Variants in NCOA3 observed in about 807,000 individuals in gnomAD.
NCOA3 encodes CBP-interacting protein.
Under a neutral mutation model 158.8 loss-of-function variants are expected in NCOA3, and 51 were observed. The ratio of observed to expected loss-of-function variants is 0.32; its 90% CI spans 0.26 to 0.41. NCOA3 has a LOEUF of 0.41. Ranked by LOEUF, NCOA3 falls within the 10% of genes least tolerant of loss-of-function variation. The pLI is 1.00. For missense variants in NCOA3, 1,510 were observed against 1,746.6 expected, an observed-to-expected ratio of 0.86 and a Z score of 2.41; for synonymous variants, 537 against 592.4, an observed-to-expected ratio of 0.91 and a Z score of 1.36.
At position 47,501,896 on chromosome 20, in the gene NCOA3, T is replaced by G; in HGVS notation, c.-222T>G. 1 of 399,244 alleles carries G rather than the reference T, an allele frequency of 2.5e-6. No individual in the cohort carries two copies. Among genetic ancestry groups the G allele is most frequent in the South Asian group, 1.3e-4 (1 of 7,878 alleles). The allele number at this position is 399,244 out of a possible 1,614,324, so 24.7% of individuals were successfully genotyped here. A position where few individuals can be genotyped will look rare whatever the true frequency, so the allele number is the denominator to read the frequency against. On this transcript the variant is annotated 5_prime_UTR_variant, in exon 1 of 23. Transcript: ENST00000371998. ...CCCGTGCGGCGACTTTAGCTGCTGC[T>G]GTCTCAGCCGCTCCACAGCGACGGC...
intron 1 of NCOA3, among the ~76,000 whole-genome samples, chr20:47,523,559 T>C (rs1472253089): frequency 1.3e-5 from 2 of 152,178 alleles, no homozygotes; most frequent in African/African-American, 4.8e-5. Context: ...TAAAGAAGAC[T>C]GGAATTTATT....
chr20:47,645,736 G>A (rs2086676124), intron 17 of NCOA3, among the ~76,000 whole-genome samples: 1 of 152,108 alleles, frequency 6.6e-6, no homozygotes, highest in South Asian at 2.1e-4. Context: ...CAGGCATGAT[G>A]GTGTGTGCCT....
intron 16 of NCOA3, among the ~76,000 whole-genome samples, chr20:47,641,611 G>A (rs974418226): frequency 2.1e-4 from 29 of 137,316 alleles, no homozygotes; most frequent in Admixed American, 8.0e-5. Context: ...TGCCATTCCC[G>A]CCTCAGCCTC....
At chr20:47,627,207 G>T (rs766010096) in intron 6 of NCOA3, 31 bp downstream of exon 6, 15 of 1,509,584 alleles carry the variant, frequency 9.9e-6, no homozygotes, top group South Asian at 1.3e-5. Context: ...TTCTAAATAG[G>T]TTAAATTTTT....
intron 2 of NCOA3, among the ~76,000 whole-genome samples, chr20:47,618,731 A>T (rs1220875463): frequency 6.6e-6 from 1 of 152,178 alleles, no homozygotes; most frequent in South Asian, 2.1e-4. Flanking sequence ...GCACAGGCTT[A>T]TGTGTACAGT....
chr20:47,647,342 TCAGCAGAGGCTGCAGGGC>T lies in NCOA3; in HGVS notation c.3529_3546del (p.Arg1177_Gln1182del). 6.2e-7 allele frequency: 1 copy of T among 1,614,136 alleles called. No homozygotes were observed. Among genetic ancestry groups the T allele is most frequent in the South Asian group, 1.1e-5 (1 of 91,076 alleles). On this transcript the variant is annotated inframe_deletion, in exon 18 of 23. Transcript: ENST00000371998. The stretch of plus-strand genomic sequence containing the variant: ...CCCCCAAGCAACTTAGAATGCAGCT[TCAGCAGAGGCTGCAGGGC>T]CAGCAGGTAACCAGTCATGTGTTCT...
At chr20:47,526,781 AGAGGGGAGAGGG>A (rs1380765740) in intron 1 of NCOA3, among the ~76,000 whole-genome samples, 5 of 151,790 alleles carry the variant, frequency 3.3e-5, no homozygotes, top group Non-Finnish European at 7.4e-5. Context: ...CCATGGGGAG[AGAGGGGAGAGGG>A]GAGGGGAGAG....
intron 13 of NCOA3, among the ~76,000 whole-genome samples, chr20:47,638,267 G>A (rs896029037): frequency 2.6e-5 from 4 of 152,108 alleles, no homozygotes; most frequent in African/African-American, 4.8e-5. Flanking sequence ...AAGGTAGGCC[G>A]GGCATGGTGG....
intron 2 of NCOA3, among the ~76,000 whole-genome samples, chr20:47,587,532 A>G (rs992040484): frequency 1.3e-5 from 2 of 152,224 alleles, no homozygotes; most frequent in Non-Finnish European, 2.9e-5. Context: ...CTGATGCTTA[A>G]GTTCTTTAAA....
chr20:47,628,865 T>C (rs1013103297), intron 8 of NCOA3: 2 of 152,264 alleles, frequency 1.3e-5, no homozygotes, highest in African/African-American at 4.8e-5. Context: ...AGGGTTACTC[T>C]TATGGTCACC....
chr20:47,645,447 A>G (rs974575526), intron 17 of NCOA3, among the ~76,000 whole-genome samples: 4 of 152,184 alleles, frequency 2.6e-5, no homozygotes, highest in African/African-American at 9.6e-5. Context: ...CTGTGGGCAC[A>G]TAAGTCTAAG....
chr20:47,514,977 A>T (rs1602326020), intron 1 of NCOA3, among the ~76,000 whole-genome samples: 2 of 150,222 alleles, frequency 1.3e-5, no homozygotes, highest in Non-Finnish European at 3.0e-5. Context: ...GAGCCACCAC[A>T]CCCAGCCTCT....
chr20:47,598,260 A>AAG (rs2085797360), intron 2 of NCOA3, among the ~76,000 whole-genome samples: 1 of 151,570 alleles, frequency 6.6e-6, no homozygotes, highest in East Asian at 1.9e-4. Flanking sequence ...AAAAAAAAAA[A>AAG]AAAAAAGAAC....
chr20:47,537,898 G>A (rs1454181039), intron 1 of NCOA3, among the ~76,000 whole-genome samples: 1 of 149,278 alleles, frequency 6.7e-6, no homozygotes, highest in Non-Finnish European at 1.5e-5. Context: ...TTGTTTGTTT[G>A]AGACAGAGCT....
chr20:47,505,076 T>A (rs1300683885), intron 1 of NCOA3, among the ~76,000 whole-genome samples: 1 of 137,214 alleles, frequency 7.3e-6, no homozygotes, highest in Non-Finnish European at 1.6e-5. Flanking sequence ...TTTTTTTTTT[T>A]TTTGAGAAGG....
At position 47,638,992 on chromosome 20, in the gene NCOA3, A is replaced by G. The variant is rs1388859037; in HGVS notation, c.2513-16A>G. 1.3e-6 allele frequency: 2 copies of G among 1,564,188 alleles called. No individual in the cohort carries two copies. Among genetic ancestry groups the G allele is most frequent in the African/African-American group, 1.4e-5 (1 of 73,148 alleles). Reference sequence around the variant, plus strand: ...TTAAATCACGAAGAAATGTTTTTGTATTGTGTTTTCAACAGGTTTGAAAAG... The same window carrying G: ...TTAAATCACGAAGAAATGTTTTTGTGTTGTGTTTTCAACAGGTTTGAAAAG... On this transcript the variant is annotated splice_polypyrimidine_tract_variant and intron_variant, in intron 13 of 22. Coordinates refer to ENST00000371998, the MANE Select transcript of NCOA3 (RefSeq NM_181659.3).
rs1314420115 is a variant in NCOA3, at chr20:47,611,003, CT to C, written c.-19-11225del. On this transcript the variant is annotated intron_variant, in intron 2 of 22. Transcript: ENST00000371998. ...CATTTGACCATGGTTACCATTCCCC[CT>C]CTTCATTGTTTACTTAGTGTACCAT... Among the ~76,000 whole-genome samples the C allele has an allele frequency of 3.3e-5, 5 of 152,254 alleles. No individual in the cohort carries two copies. In the East Asian group the frequency reaches 7.7e-4, roughly 23 times the overall value.
At chr20:47,619,483 A>G (rs917041279) in intron 2 of NCOA3, among the ~76,000 whole-genome samples, 19 of 150,502 alleles carry the variant, frequency 1.3e-4, no homozygotes, top group Non-Finnish European at 1.0e-4. Context: ...TGTCTCTCCA[A>G]AAAATACAAA....
intron 2 of NCOA3, among the ~76,000 whole-genome samples, chr20:47,602,588 G>T (rs2085880592): frequency 6.6e-6 from 1 of 152,206 alleles, no homozygotes; most frequent in African/African-American, 2.4e-5. Flanking sequence ...GGTAACAGGA[G>T]AAATGCTTTG....
Sources: gnomAD v4.1 joint callset for allele counts (sites outside exome capture counted in the v4.1 genomes callset) on GRCh38, gnomAD v4.1.1 for gene constraint, MANE v1.5 for transcripts, NCBI Gene and HGNC (gene_info 2026-07-23, HGNC 2026-07-21) for gene names.